The following PABPC4L variants were observed in gnomAD, a reference collection of about 807,000 sequenced individuals.
PABPC4L encodes poly(A) binding protein cytoplasmic 4 like.
For synonymous variants in PABPC4L, 169 were observed against 164.1 expected (o/e 1.03, Z -0.23); for missense variants, 452 against 451.4 (o/e 1.00, Z -0.01).
the PABPC4L span, among the ~76,000 whole-genome samples, chr4:134,181,597 AAT>A: frequency 6.6e-6 from 1 of 151,938 alleles, no homozygotes; most frequent in Admixed American, 6.6e-5. Context: ...TAATTCATAC[AAT>A]ATGTTTCTAT....
the PABPC4L span, among the ~76,000 whole-genome samples, chr4:134,040,068 G>A: frequency 6.6e-6 from 1 of 151,880 alleles, no homozygotes; most frequent in Non-Finnish European, 1.5e-5. Flanking sequence ...AATAAGAGAG[G>A]ACAAAAACAA....
the PABPC4L span, among the ~76,000 whole-genome samples, chr4:134,144,456 A>G: frequency 6.6e-6 from 1 of 151,454 alleles, no homozygotes; most frequent in Admixed American, 6.6e-5. Context: ...TTTACTTTTA[A>G]TATGTATCTA....
the PABPC4L span, among the ~76,000 whole-genome samples, chr4:134,129,333 A>G: frequency 3.6e-3 from 552 of 152,250 alleles, 4 homozygotes; most frequent in African/African-American, 0.012. Flanking sequence ...GATTTCACAG[A>G]TATTTACAGA....
At chr4:134,158,110 T>G in the PABPC4L span, among the ~76,000 whole-genome samples, 1 of 151,902 alleles carries the variant, frequency 6.6e-6, no homozygotes, top group African/African-American at 2.4e-5. Context: ...GAAATTAAAT[T>G]TTACTGGGGA....
chr4:133,971,413 A>G, the PABPC4L span, among the ~76,000 whole-genome samples: 8 of 151,930 alleles, frequency 5.3e-5, no homozygotes, highest in Non-Finnish European at 1.0e-4. Context: ...GCCCGGCCTT[A>G]AATTCTTTAA....
At chr4:134,153,544 A>C in the PABPC4L span, among the ~76,000 whole-genome samples, 1 of 152,166 alleles carries the variant, frequency 6.6e-6, no homozygotes, top group African/African-American at 2.4e-5. Context: ...TTTAATGTGA[A>C]TAAGGGTCAC....
chr4:134,151,753 AAT>A, the PABPC4L span, among the ~76,000 whole-genome samples: 1 of 151,954 alleles, frequency 6.6e-6, no homozygotes, highest in Admixed American at 6.6e-5. Context: ...TCTAGAATAT[AAT>A]ATATGTTACC....
At chr4:134,157,416 C>T in the PABPC4L span, among the ~76,000 whole-genome samples, 3 of 151,672 alleles carry the variant, frequency 2.0e-5, no homozygotes, top group East Asian at 5.8e-4. Flanking sequence ...GACAGATGTT[C>T]AGTACTTCAA....
At chr4:133,971,589 C>T in the PABPC4L span, among the ~76,000 whole-genome samples, 2 of 152,138 alleles carry the variant, frequency 1.3e-5, no homozygotes, top group African/African-American at 4.8e-5. Flanking sequence ...AATAATATCA[C>T]TCAGCAACCA....
the PABPC4L span, among the ~76,000 whole-genome samples, chr4:134,190,446 T>C: frequency 6.6e-6 from 1 of 152,040 alleles, no homozygotes; most frequent in African/African-American, 2.4e-5. Context: ...AATTCTTTAA[T>C]TTTTATTCTT....
the PABPC4L span, among the ~76,000 whole-genome samples, chr4:133,985,062 C>A: frequency 2.6e-5 from 4 of 151,832 alleles, no homozygotes; most frequent in Non-Finnish European, 5.9e-5. Flanking sequence ...TGTTATCGAG[C>A]TAAGAATTTA....
At chr4:134,023,359 G>GT in the PABPC4L span, among the ~76,000 whole-genome samples, 1 of 152,100 alleles carries the variant, frequency 6.6e-6, no homozygotes, top group Admixed American at 6.6e-5. Flanking sequence ...TGCGATTGTT[G>GT]TGTATGTGGG....
the PABPC4L span, among the ~76,000 whole-genome samples, chr4:134,105,423 A>C: frequency 6.6e-6 from 1 of 151,874 alleles, no homozygotes; most frequent in African/African-American, 2.4e-5. Flanking sequence ...TATTAATATT[A>C]AAATTTCCTG....
the PABPC4L span, among the ~76,000 whole-genome samples, chr4:133,967,156 GT>G: frequency 6.6e-6 from 1 of 152,038 alleles, no homozygotes; most frequent in South Asian, 2.1e-4. Context: ...CAAGAGTTCA[GT>G]TTTAAATGTA....
chr4:133,957,665 C>A, the PABPC4L span, among the ~76,000 whole-genome samples: 2 of 152,200 alleles, frequency 1.3e-5, no homozygotes, highest in Non-Finnish European at 2.9e-5. Context: ...GAGGGATGCA[C>A]CCCAGCAGTA....
chr4:133,973,113 A>G, the PABPC4L span, among the ~76,000 whole-genome samples: 2 of 152,192 alleles, frequency 1.3e-5, no homozygotes, highest in Admixed American at 6.5e-5. Context: ...CTAAATATAT[A>G]TGACCAAAAT....
At chr4:134,177,910 A>C in the PABPC4L span, among the ~76,000 whole-genome samples, 68,726 of 151,756 alleles carry the variant, frequency 0.45, 18,033 homozygotes, top group East Asian at 0.98. Context: ...AGCAGGCAAC[A>C]CTTGCTAGAA....
chr4:134,110,962 C>G, the PABPC4L span, among the ~76,000 whole-genome samples: 1 of 151,950 alleles, frequency 6.6e-6, no homozygotes, highest in Non-Finnish European at 1.5e-5. Flanking sequence ...CACACACGTG[C>G]ACAGACACAC....
the PABPC4L span, among the ~76,000 whole-genome samples, chr4:133,997,611 A>G: frequency 2.0e-5 from 3 of 152,198 alleles, no homozygotes; most frequent in African/African-American, 7.2e-5. Context: ...AGAAGCCATT[A>G]AGAAGATGTG....
Sources: allele counts gnomAD v4.1 joint callset (sites outside exome capture counted in the v4.1 genomes callset), GRCh38; gene constraint gnomAD v4.1.1; transcripts MANE v1.5; gene names NCBI Gene and HGNC (gene_info 2026-07-23, HGNC 2026-07-21).